The following NAALADL2 variants were observed in gnomAD, a reference collection of about 807,000 sequenced individuals.
NAALADL2 encodes the protein inactive N-acetylated-alpha-linked acidic dipeptidase-like protein 2.
In NAALADL2, 76 loss-of-function variants were observed where a neutral mutation model predicts 87.2. The ratio of observed to expected loss-of-function variants is 0.87; its 90% CI spans 0.72 to 1.05. NAALADL2 has a LOEUF of 1.05. Ranked by LOEUF, NAALADL2 falls within the 50% of genes least tolerant of loss-of-function variation. The pLI is 0.00. For synonymous variants in NAALADL2, 354 were observed against 331.0 expected, an observed-to-expected ratio of 1.07 and a Z score of -0.75; for missense variants, 1,089 against 945.8, an observed-to-expected ratio of 1.15 and a Z score of -1.99.
At chr3:175,500,411 A>G (rs1210524235) in intron 9 of NAALADL2, among the ~76,000 whole-genome samples, 3 of 152,056 alleles carry the variant, frequency 2.0e-5, no homozygotes, top group Non-Finnish European at 4.4e-5. Flanking sequence ...GCACAGAAGT[A>G]GAAACATGGA....
intron 3 of NAALADL2, among the ~76,000 whole-genome samples, chr3:174,847,558 G>A (rs921347721): frequency 1.3e-5 from 2 of 152,122 alleles, no homozygotes; most frequent in Non-Finnish European, 2.9e-5. Context: ...GGTTGGCCAG[G>A]ATTGGGGAAT....
intron 9 of NAALADL2, among the ~76,000 whole-genome samples, chr3:175,551,165 T>G (rs1040264279): frequency 2.6e-5 from 4 of 152,052 alleles, no homozygotes; most frequent in Non-Finnish European, 4.4e-5. Flanking sequence ...TTGGCTAAGC[T>G]ACAGGCAATA....
chr3:175,543,620 A>C (rs1468184032), intron 9 of NAALADL2, among the ~76,000 whole-genome samples: 1 of 152,130 alleles, frequency 6.6e-6, no homozygotes, highest in Non-Finnish European at 1.5e-5. Flanking sequence ...AAAGCCCCTT[A>C]TAAAACCATC....
chr3:174,967,183 A>G (rs1742996620), intron 1 of NAALADL2, among the ~76,000 whole-genome samples: 1 of 152,136 alleles, frequency 6.6e-6, no homozygotes, highest in Admixed American at 6.6e-5. Flanking sequence ...AAGCTCTCTG[A>G]TGATTCTGAT....
chr3:174,880,594 A>G (rs1434449567), intron 1 of NAALADL2, among the ~76,000 whole-genome samples: 1 of 152,066 alleles, frequency 6.6e-6, no homozygotes, highest in Admixed American at 6.6e-5. Flanking sequence ...CCATCTTAGA[A>G]CATGACTGAG....
At chr3:175,160,497 C>T (rs1036714745) in intron 2 of NAALADL2, among the ~76,000 whole-genome samples, 1 of 149,484 alleles carries the variant, frequency 6.7e-6, no homozygotes, top group African/African-American at 2.4e-5. Context: ...GGATTACAGG[C>T]ATGCACCTCC....
chr3:174,843,081 A>G (rs1724204047), intron 3 of NAALADL2, among the ~76,000 whole-genome samples: 1 of 152,162 alleles, frequency 6.6e-6, no homozygotes, highest in Non-Finnish European at 1.5e-5. Context: ...CTATCGCTTC[A>G]TGAATTTATC....
chr3:174,510,921 G>A (rs1332015221), intron 1 of NAALADL2, among the ~76,000 whole-genome samples: 2 of 151,396 alleles, frequency 1.3e-5, no homozygotes, highest in African/African-American at 2.4e-5. Flanking sequence ...CAATCAAAAC[G>A]TTTTCTAATT....
rs970940874 is a variant in NAALADL2 at position 175,319,577 on chromosome 3, C to G, written c.940-4598C>G. ...GCTCACACCTATAATCCCAGCCCTT[C>G]GGGAGGCCGAGTCGGCAATATCATT... On this transcript the variant is annotated intron_variant, in intron 4 of 13. Coordinates refer to ENST00000454872, the MANE Select transcript of NAALADL2 (RefSeq NM_207015.3). 3.9e-5 allele frequency among the ~76,000 whole-genome samples: 6 copies of G among 152,228 alleles called. No homozygotes were observed. The East Asian group carries it at 1.2e-3, about 29-fold the overall frequency.
At chr3:175,491,355 T>C (rs1304997056) in intron 9 of NAALADL2, among the ~76,000 whole-genome samples, 1 of 151,932 alleles carries the variant, frequency 6.6e-6, no homozygotes, top group Non-Finnish European at 1.5e-5. Context: ...ATAGTAAATT[T>C]TGTCTCCCCA....
chr3:175,170,956 T>A (rs1438233217), intron 2 of NAALADL2, among the ~76,000 whole-genome samples: 1 of 151,980 alleles, frequency 6.6e-6, no homozygotes, highest in Non-Finnish European at 1.5e-5. Context: ...ATCAGAGAGT[T>A]ATAATACAGA....
At chr3:175,383,736 A>G (rs1360203682) in intron 5 of NAALADL2, among the ~76,000 whole-genome samples, 1 of 152,068 alleles carries the variant, frequency 6.6e-6, no homozygotes, top group East Asian at 1.9e-4. Context: ...AAGTTCTTTT[A>G]CTTAAGGTAT....
chr3:175,026,572 T>C (rs1431088204), intron 1 of NAALADL2, among the ~76,000 whole-genome samples: 1 of 151,700 alleles, frequency 6.6e-6, no homozygotes, highest in Non-Finnish European at 1.5e-5. Context: ...GGAGAATTGC[T>C]TGAACCTGGT....
chr3:175,475,193 A>C (rs995795738), intron 9 of NAALADL2, among the ~76,000 whole-genome samples: 3 of 152,002 alleles, frequency 2.0e-5, no homozygotes, highest in Admixed American at 2.0e-4. Context: ...GCTAAGACCT[A>C]ATTTCTTGGG....
chr3:174,715,879 G>A (rs1423880872), intron 2 of NAALADL2, among the ~76,000 whole-genome samples: 1 of 151,944 alleles, frequency 6.6e-6, no homozygotes, highest in African/African-American at 2.4e-5. Context: ...TTCAGTTCTA[G>A]GATTATCTGC....
chr3:175,369,906 T>A (rs114258270), intron 5 of NAALADL2, among the ~76,000 whole-genome samples: 3 of 152,166 alleles, frequency 2.0e-5, no homozygotes, highest in Non-Finnish European at 4.4e-5. Flanking sequence ...TACATTCCGG[T>A]TTCTGAAGGA....
Position 175,487,077 on chromosome 3 carries a change from A to AAAGCC in NAALADL2, c.1653+15322_1653+15326dup, listed in dbSNP as rs1474413017. ...CCTTTCTCTCATTTCACTTAGAGTAAAAGCCAAAGTCCTTATAATGGCCGG... is the reference window on the plus strand; with the variant it reads ...CCTTTCTCTCATTTCACTTAGAGTAAAAGCCAAGCCAAAGTCCTTATAATGGCCGG... On this transcript the variant is annotated intron_variant, in intron 9 of 13. Coordinates refer to ENST00000454872, the MANE Select transcript of NAALADL2 (RefSeq NM_207015.3). Among the ~76,000 whole-genome samples the AAAGCC allele has an allele frequency of 1.1e-4, 16 of 152,228 alleles. No individual in the cohort carries two copies. The East Asian group carries it at 3.1e-3, about 29-fold the overall frequency.
chr3:175,049,603 AG>A (rs1453984990), intron 1 of NAALADL2, among the ~76,000 whole-genome samples: 10 of 152,294 alleles, frequency 6.6e-5, no homozygotes, highest in African/African-American at 2.4e-4. Context: ...TAAACCTCTA[AG>A]GGTTTTGTCC....
chr3:174,939,851 A>G (rs145208904), intron 1 of NAALADL2, among the ~76,000 whole-genome samples: 1 of 152,040 alleles, frequency 6.6e-6, no homozygotes, highest in South Asian at 2.1e-4. Flanking sequence ...TTGTACATTG[A>G]TTTGGTATCT....
Sources: gnomAD v4.1 joint callset for allele counts (sites outside exome capture counted in the v4.1 genomes callset) on GRCh38, gnomAD v4.1.1 for gene constraint, MANE v1.5 for transcripts, NCBI Gene and HGNC (gene_info 2026-07-23, HGNC 2026-07-21) for gene names.